Variants in ITFG1 observed in about 807,000 individuals in gnomAD.
ITFG1 encodes the protein integrin alpha FG-GAP repeat containing 1.
ITFG1 carries 34 observed loss-of-function variants against 81.8 expected under a neutral mutation model. The ratio of observed to expected loss-of-function variants is 0.42; its 90% confidence interval spans 0.32 to 0.55. The LOEUF is 0.55. Ranked by LOEUF, ITFG1 falls within the 20% of genes least tolerant of loss-of-function variation. The probability of loss-of-function intolerance (pLI) is 0.17; values close to 1 mark genes in which losing one functional copy is unlikely to be tolerated. For synonymous variants in ITFG1, 285 were observed against 270.6 expected, an observed-to-expected ratio of 1.05 and a Z score of -0.52; for missense variants, 672 against 755.4, an observed-to-expected ratio of 0.89 and a Z score of 1.29.
rs577634180 is a variant in ITFG1 at position 47,416,667 on chromosome 16, T to C, written c.655+12137A>G. On this transcript the variant is annotated intron_variant, in intron 6 of 17. Coordinates refer to ENST00000320640, the MANE Select transcript of ITFG1 (RefSeq NM_030790.5). ...TTTAAAGGAGCCTGGCATTCCCCCC[T>C]CTCTCTCTGTTCCTGTCTCACAATA... 7.2e-5 allele frequency among the ~76,000 whole-genome samples: 11 copies of C among 152,134 alleles called. No homozygotes were observed. In the East Asian group the frequency reaches 2.1e-3, roughly 29 times the overall value.
chr16:47,314,521 G>A (rs1011931345), intron 8 of ITFG1, among the ~76,000 whole-genome samples: 3 of 152,132 alleles, frequency 2.0e-5, no homozygotes, highest in African/African-American at 7.2e-5. Flanking sequence ...TCCTTTCCAA[G>A]TGACTGTTTT....
chr16:47,197,245 AAC>A (rs955654557), intron 14 of ITFG1, among the ~76,000 whole-genome samples: 4 of 152,322 alleles, frequency 2.6e-5, no homozygotes, highest in African/African-American at 9.6e-5. Context: ...AAGGTCTGAA[AAC>A]AGTTAGTTAC....
chr16:47,219,218 T>C (rs182900354), intron 13 of ITFG1, among the ~76,000 whole-genome samples: 1 of 152,302 alleles, frequency 6.6e-6, no homozygotes, highest in African/African-American at 2.4e-5. Flanking sequence ...TTATTTTAAC[T>C]GGGTATTTCT....
chr16:47,301,983 G>A (rs561038621), intron 10 of ITFG1, among the ~76,000 whole-genome samples: 15 of 151,972 alleles, frequency 9.9e-5, no homozygotes, highest in South Asian at 2.1e-4. Flanking sequence ...AGATACTGAA[G>A]AGGCAGCCAA....
chr16:47,352,223 T>A lies in ITFG1; in HGVS notation c.802+13565A>T, dbSNP rs934152048. On this transcript the variant is annotated intron_variant, in intron 8 of 17. Transcript: ENST00000320640. Reference sequence around the variant, plus strand: ...ATTGACAAATGGGATGTAATTAAACTAAAGAGCTTCTGCACAGCAAAAGAA... The same window carrying A: ...ATTGACAAATGGGATGTAATTAAACAAAAGAGCTTCTGCACAGCAAAAGAA... Among the ~76,000 whole-genome samples the A allele has an allele frequency of 9.7e-4, 148 of 152,206 alleles. 2 individuals carry two copies. Among genetic ancestry groups the A allele is most frequent in the Non-Finnish European group, 2.8e-4 (19 of 68,020 alleles).
chr16:47,202,587 TAAAAA>T (rs200638950), intron 14 of ITFG1, among the ~76,000 whole-genome samples: 1 of 145,878 alleles, frequency 6.9e-6, no homozygotes, highest in African/African-American at 2.5e-5. Flanking sequence ...AGGTGTAACT[TAAAAA>T]AAAAAAGAAA....
intron 5 of ITFG1, among the ~76,000 whole-genome samples, chr16:47,442,435 A>G (rs1969265034): frequency 6.6e-6 from 1 of 152,128 alleles, no homozygotes; most frequent in Non-Finnish European, 1.5e-5. Flanking sequence ...AAGAGCCCGC[A>G]TTGCCAAGTC....
At chr16:47,183,182 A>G (rs1273009507) in intron 14 of ITFG1, among the ~76,000 whole-genome samples, 3 of 152,236 alleles carry the variant, frequency 2.0e-5, no homozygotes, top group Non-Finnish European at 4.4e-5. Flanking sequence ...TCAAACTGCA[A>G]GGCGGCAGCG....
chr16:47,218,707 C>G (rs1258645278), intron 14 of ITFG1, 161 bp downstream of exon 14: 1 of 387,270 alleles, frequency 2.6e-6, no homozygotes, highest in African/African-American at 2.1e-5. Flanking sequence ...TCATAAGAAC[C>G]TTTTATAATC....
intron 10 of ITFG1, among the ~76,000 whole-genome samples, chr16:47,266,228 G>GT (rs1253933933): frequency 6.6e-6 from 1 of 151,934 alleles, no homozygotes; most frequent in Non-Finnish European, 1.5e-5. Flanking sequence ...GTTTGTTTTT[G>GT]TTTTTTTGTG....
intron 8 of ITFG1, among the ~76,000 whole-genome samples, chr16:47,358,316 T>C (rs1224962629): frequency 2.6e-5 from 4 of 152,158 alleles, no homozygotes; most frequent in African/African-American, 4.8e-5. Flanking sequence ...TTCGAATACA[T>C]GGAAACAGAA....
intron 8 of ITFG1, among the ~76,000 whole-genome samples, chr16:47,364,165 T>G (rs963839240): frequency 6.6e-6 from 1 of 152,210 alleles, no homozygotes; most frequent in Non-Finnish European, 1.5e-5. Context: ...ACATGAACTT[T>G]TAAAAAGCCA....
chr16:47,375,948 G>T lies in ITFG1; in HGVS notation c.656-8C>A. ...ATGTCGTCAGGAATAAATCTAGAAG[G>T]AAAAATAATAAAAACGTAAAGTTTT... On this transcript the variant is annotated splice_region_variant and splice_polypyrimidine_tract_variant and intron_variant, in intron 6 of 17. Coordinates refer to ENST00000320640, the MANE Select transcript of ITFG1 (RefSeq NM_030790.5). The T allele has an allele frequency of 6.3e-7, 1 of 1,582,994 alleles. No individual in the cohort carries two copies. The highest frequency in any genetic ancestry group is 8.7e-7 in the Non-Finnish European group (1 of 1,155,786).
At chr16:47,388,939 T>C (rs1311292078) in intron 6 of ITFG1, among the ~76,000 whole-genome samples, 1 of 152,154 alleles carries the variant, frequency 6.6e-6, no homozygotes, top group Admixed American at 6.5e-5. Flanking sequence ...TAAGTTTAGG[T>C]TGCAAGACAT....
chr16:47,156,420 A>G (rs1964708568), intron 17 of ITFG1, among the ~76,000 whole-genome samples: 1 of 152,192 alleles, frequency 6.6e-6, no homozygotes, highest in African/African-American at 2.4e-5. Flanking sequence ...CCTGGGTGAC[A>G]GAGTACTAAT....
intron 6 of ITFG1, among the ~76,000 whole-genome samples, chr16:47,423,666 G>A (rs1214172791): frequency 6.6e-6 from 1 of 152,122 alleles, no homozygotes; most frequent in Non-Finnish European, 1.5e-5. Flanking sequence ...TGTCTGTAAA[G>A]GATTTTATTT....
chr16:47,280,174 A>G lies in ITFG1; in HGVS notation c.1071-19479T>C, dbSNP rs189118051. 1.4e-4 allele frequency among the ~76,000 whole-genome samples: 22 copies of G among 152,300 alleles called. No homozygotes were observed. In the East Asian group the frequency reaches 3.7e-3, roughly 25 times the overall value. On this transcript the variant is annotated intron_variant, in intron 10 of 17. Transcript: ENST00000320640. ...GGTTCAATGGGAGTAGAGAGAGAAC[A>G]CAAACTTGCCTTATTCTCAGTATTA...
In ITFG1 at chr16:47,401,540, C is replaced by T. The variant is rs140831550; in HGVS notation, c.656-25600G>A. Among the ~76,000 whole-genome samples, 28 of 152,216 alleles carry T rather than the reference C, an allele frequency of 1.8e-4. No individual in the cohort carries two copies. In the East Asian group the frequency reaches 5.4e-3, roughly 29 times the overall value. ...ACACAAAAGTAGGAAGTGTCAGATG[C>T]TACCTAGAGGTTAATTAAGAGCCAG... is the stretch of plus-strand genomic sequence containing the variant. On this transcript the variant is annotated intron_variant, in intron 6 of 17. Transcript: ENST00000320640.
chr16:47,220,966 G>T (rs1292760585), intron 13 of ITFG1, among the ~76,000 whole-genome samples: 1 of 152,122 alleles, frequency 6.6e-6, no homozygotes, highest in Non-Finnish European at 1.5e-5. Context: ...CCTCTGTTGT[G>T]TTTTAAATTG....
Sources: allele counts gnomAD v4.1 joint callset (sites outside exome capture counted in the v4.1 genomes callset), GRCh38; gene constraint gnomAD v4.1.1; transcripts MANE v1.5; gene names NCBI Gene and HGNC (gene_info 2026-07-23, HGNC 2026-07-21).